NAALADL2: variants seen among roughly 807,000 people sequenced by gnomAD.
NAALADL2 encodes the protein inactive N-acetylated-alpha-linked acidic dipeptidase-like protein 2.
Under a neutral mutation model 87.2 loss-of-function variants are expected in NAALADL2, and 76 were observed. The ratio of observed to expected loss-of-function variants is 0.87; its 90% confidence interval spans 0.72 to 1.05. The LOEUF is 1.05. NAALADL2 is among the 50% of genes least tolerant of loss of function. The pLI is 0.00. For synonymous variants in NAALADL2, 354 were observed against 331.0 expected (o/e 1.07, Z -0.75); for missense variants, 1,089 against 945.8 (o/e 1.15, Z -1.99).
At chr3:175,021,729 G>A (rs1751585235) in intron 1 of NAALADL2, among the ~76,000 whole-genome samples, 2 of 152,056 alleles carry the variant, frequency 1.3e-5, no homozygotes, top group Admixed American at 6.6e-5. Flanking sequence ...GAGACCAGGG[G>A]AGTGTTTTTA....
intron 11 of NAALADL2, among the ~76,000 whole-genome samples, chr3:175,694,821 TC>T (rs1737528370): frequency 6.6e-6 from 1 of 152,158 alleles, no homozygotes; most frequent in Non-Finnish European, 1.5e-5. Context: ...TGTTCAACTA[TC>T]AGATTTTTAA....
At chr3:175,683,359 T>A (rs1735857607) in intron 11 of NAALADL2, among the ~76,000 whole-genome samples, 1 of 151,990 alleles carries the variant, frequency 6.6e-6, no homozygotes, top group Non-Finnish European at 1.5e-5. Flanking sequence ...AGATTCAGTT[T>A]AAAAATTAAG....
intron 1 of NAALADL2, among the ~76,000 whole-genome samples, chr3:175,076,825 T>A (rs572168332): frequency 6.6e-6 from 1 of 152,312 alleles, no homozygotes; most frequent in Non-Finnish European, 1.5e-5. Flanking sequence ...CAAATGCAAA[T>A]ACTTTAAAGG....
intron 2 of NAALADL2, among the ~76,000 whole-genome samples, chr3:174,577,656 C>A (rs1008700729): frequency 6.6e-6 from 1 of 152,072 alleles, no homozygotes; most frequent in Non-Finnish European, 1.5e-5. Flanking sequence ...TACTAGAATG[C>A]AAATCAACCT....
chr3:174,631,306 G>T (rs1722089027), intron 2 of NAALADL2, among the ~76,000 whole-genome samples: 1 of 152,130 alleles, frequency 6.6e-6, no homozygotes, highest in Admixed American at 6.5e-5. Flanking sequence ...CCTTCTCACT[G>T]TAGTCTATGT....
rs1277057893 is a variant in NAALADL2, at chr3:175,591,767, G to GGTGTGT, written c.1800+15593_1800+15598dup. ...AATATATATTTATATATGCGCATGT[G>GGTGTGT]GTGTGTGTGTGTGTGTGTATATATA... On this transcript the variant is annotated intron_variant, in intron 10 of 13. Coordinates refer to ENST00000454872, the MANE Select transcript of NAALADL2 (RefSeq NM_207015.3). Among the ~76,000 whole-genome samples the GGTGTGT allele has an allele frequency of 7.9e-3, 356 of 45,242 alleles. 2 individuals are homozygous for GGTGTGT. Among genetic ancestry groups the GGTGTGT allele is most frequent in the Middle Eastern group, 0.032 (3 of 94 alleles). The allele number at this position is 45,242 out of a possible 152,430, so 29.7% of individuals were successfully genotyped here.
intron 2 of NAALADL2, among the ~76,000 whole-genome samples, chr3:174,713,199 A>G (rs542124301): frequency 1.1e-4 from 16 of 152,310 alleles, no homozygotes; most frequent in South Asian, 2.1e-4. Context: ...AATCCAGTCT[A>G]TCATTGACGG....
intron 1 of NAALADL2, among the ~76,000 whole-genome samples, chr3:175,015,451 C>T (rs1428791338): frequency 1.3e-5 from 2 of 152,180 alleles, no homozygotes; most frequent in African/African-American, 2.4e-5. Context: ...TCTCATGTCA[C>T]GCTTTAGGAC....
At chr3:175,406,549 A>T (rs1712410699) in intron 5 of NAALADL2, among the ~76,000 whole-genome samples, 1 of 152,242 alleles carries the variant, frequency 6.6e-6, no homozygotes, top group Admixed American at 6.5e-5. Flanking sequence ...TCAGCAAAGT[A>T]TGTCAGTGTT....
At position 175,449,804 on chromosome 3, in the gene NAALADL2, A is replaced by G. The variant is rs1460403638; in HGVS notation, c.1234+2432A>G. Among the ~76,000 whole-genome samples, 8 of 152,324 alleles carry G rather than the reference A, an allele frequency of 5.3e-5. No individual in the cohort carries two copies. The East Asian group carries it at 1.4e-3, about 26-fold the overall frequency. ...GGCATGAAGCCTACAAGAAGAGTTG[A>G]GATATACACCCATGTTAAAGCAAGA... On this transcript the variant is annotated intron_variant, in intron 6 of 13. Coordinates refer to ENST00000454872, the MANE Select transcript of NAALADL2 (RefSeq NM_207015.3).
At chr3:175,233,158 C>A (rs1431444075) in intron 2 of NAALADL2, among the ~76,000 whole-genome samples, 1 of 152,124 alleles carries the variant, frequency 6.6e-6, no homozygotes, top group Non-Finnish European at 1.5e-5. Flanking sequence ...CTCATAGCAT[C>A]ATGTAATTTG....
intron 2 of NAALADL2, among the ~76,000 whole-genome samples, chr3:175,099,402 C>A (rs1721733388): frequency 6.6e-6 from 1 of 152,152 alleles, no homozygotes; most frequent in Non-Finnish European, 1.5e-5. Context: ...ATTATGGGTC[C>A]ATGAAGTAGC....
intron 3 of NAALADL2, among the ~76,000 whole-genome samples, chr3:175,236,740 A>G (rs1212290912): frequency 1.1e-4 from 17 of 152,164 alleles, no homozygotes; most frequent in Non-Finnish European, 1.8e-4. Flanking sequence ...TATTGGGCAA[A>G]TCCACTTTCC....
chr3:175,077,293 A>G (rs1716781558), intron 1 of NAALADL2, among the ~76,000 whole-genome samples: 2 of 152,242 alleles, frequency 1.3e-5, no homozygotes, highest in African/African-American at 2.4e-5. Context: ...GGCTGTTTCT[A>G]CATCAAAGTG....
chr3:175,532,201 A>G (rs948011057), intron 9 of NAALADL2, among the ~76,000 whole-genome samples: 1 of 152,174 alleles, frequency 6.6e-6, no homozygotes, highest in Non-Finnish European at 1.5e-5. Context: ...ATATGCTCCT[A>G]TTTTAACTGG....
At chr3:175,642,790 G>A (rs540884031) in intron 11 of NAALADL2, among the ~76,000 whole-genome samples, 2 of 152,206 alleles carry the variant, frequency 1.3e-5, no homozygotes, top group South Asian at 2.1e-4. Flanking sequence ...GTAAGCCACC[G>A]CGCCCGGCCG....
At chr3:174,918,125 A>T (rs1159141193) in intron 1 of NAALADL2, among the ~76,000 whole-genome samples, 1 of 152,068 alleles carries the variant, frequency 6.6e-6, no homozygotes, top group African/African-American at 2.4e-5. Flanking sequence ...TATGATGAGG[A>T]TGCTTTTGGG....
intron 1 of NAALADL2, among the ~76,000 whole-genome samples, chr3:174,441,670 C>T (rs1182864686): frequency 1.3e-5 from 2 of 152,058 alleles, no homozygotes; most frequent in Non-Finnish European, 2.9e-5. Context: ...CCACATTTGC[C>T]CTACAGTTGC....
intron 2 of NAALADL2, among the ~76,000 whole-genome samples, chr3:175,229,509 A>G (rs1003989733): frequency 6.6e-6 from 1 of 152,024 alleles, no homozygotes; most frequent in Non-Finnish European, 1.5e-5. Flanking sequence ...TTAGTAAACA[A>G]CAGACATTTA....
Sources: gnomAD v4.1 joint callset for allele counts (sites outside exome capture counted in the v4.1 genomes callset) on GRCh38, gnomAD v4.1.1 for gene constraint, MANE v1.5 for transcripts, NCBI Gene and HGNC (gene_info 2026-07-23, HGNC 2026-07-21) for gene names.